Variants in CLTCL1 observed in about 807,000 individuals in gnomAD.
CLTCL1 encodes the protein clathrin heavy chain like 1.
Under a neutral mutation model 190.0 loss-of-function variants are expected in CLTCL1, and 159 were observed. That is an observed-to-expected ratio of 0.84 (90% CI 0.74 to 0.95). The LOEUF (loss-of-function observed/expected upper bound fraction) is 0.95. CLTCL1 is among the 40% of genes least tolerant of loss of function. The pLI is 0.00. For synonymous variants in CLTCL1, 752 were observed against 769.6 expected, an observed-to-expected ratio of 0.98 and a Z score of 0.38; for missense variants, 1,878 against 2,033.4, an observed-to-expected ratio of 0.92 and a Z score of 1.47.
At position 19,187,707 on chromosome 22, in the gene CLTCL1, C is replaced by T. The variant is rs1555929059; in HGVS notation, c.4456G>A (p.Ala1486Thr). 3 of 1,613,802 alleles carry T rather than the reference C, an allele frequency of 1.9e-6. No homozygotes were observed. Among genetic ancestry groups the T allele is most frequent in the Non-Finnish European group, 2.5e-6 (3 of 1,179,868 alleles). Residue 1486 changes from alanine (A) to threonine (T), a missense_variant, in exon 29 of 33, where the codon GCC becomes ACC. Ala to Thr is a moderately conservative substitution (Grantham distance 58, BLOSUM62 0). Transcript: ENST00000427926. ...DYQGLRASID[A>T]YDNFDNISLA... ...CTGATGTTGTCAAAGTTGTCATAGG[C>T]ATCGATAGATGCCCTTAAGCCCTAG...
chr22:19,248,252 A>G lies in CLTCL1; in HGVS notation c.520-5316T>C, dbSNP rs2086482800. 2.6e-5 allele frequency among the ~76,000 whole-genome samples: 4 copies of G among 151,956 alleles called. No individual in the cohort carries two copies. In the South Asian group the frequency reaches 8.3e-4, roughly 32 times the overall value. ...GCGGAGGTTGCGGTGAGCCAAGACC[A>G]TGCCACTGCACTCCAGCCTGGGCAA... On this transcript the variant is annotated intron_variant, in intron 3 of 32. Transcript: ENST00000427926.
chr22:19,222,069 C>T lies in CLTCL1; in HGVS notation c.2443G>A (p.Val815Met), dbSNP rs1569189645. Residue 815 changes from valine to methionine, a missense_variant, in exon 16 of 33, where the codon GTG becomes ATG. Val to Met is a conservative substitution (Grantham distance 21). Coordinates refer to ENST00000427926, the MANE Select transcript of CLTCL1 (RefSeq NM_007098.4). ...TCCACATCAAGCAGCCCTCCAATCA[C>T]AGCTGGGGTCCGGCTAGGGTTGACC... ...QKVNPSRTPA[V>M]IGGLLDVDCS... is the part of the protein sequence containing the mutation. 2 of 1,614,016 alleles carry T rather than the reference C, an allele frequency of 1.2e-6. No individual in the cohort carries two copies. The highest frequency in any genetic ancestry group is 1.7e-6 in the Non-Finnish European group (2 of 1,179,884).
intron 12 of CLTCL1, 92 bp downstream of exon 12, chr22:19,226,127 T>A: frequency 7.0e-7 from 1 of 1,419,796 alleles, no homozygotes; most frequent in Admixed American, 2.1e-5. Flanking sequence ...AGGCCACAGT[T>A]CCACAATCAC....
At chr22:19,245,983 T>C (rs2086405629) in intron 3 of CLTCL1, among the ~76,000 whole-genome samples, 1 of 152,238 alleles carries the variant, frequency 6.6e-6, no homozygotes, top group Admixed American at 6.5e-5. Context: ...TAAAAGTTTT[T>C]GTGTGGATAC....
Position 19,241,838 on chromosome 22 carries a change from C to T in CLTCL1, c.681+937G>A, listed in dbSNP as rs535760558. On this transcript the variant is annotated intron_variant, in intron 4 of 32. Coordinates refer to ENST00000427926, the MANE Select transcript of CLTCL1 (RefSeq NM_007098.4). ...CAATCTCTCTGGAGCCTCCCTGAGG[C>T]GCCTCCCAACCACCTGGGAAGAACC... is the stretch of plus-strand genomic sequence containing the variant. 8.5e-5 allele frequency among the ~76,000 whole-genome samples: 13 copies of T among 152,134 alleles called. No individual in the cohort carries two copies. In the East Asian group the frequency reaches 1.7e-3, roughly 20 times the overall value.
intron 3 of CLTCL1, among the ~76,000 whole-genome samples, chr22:19,245,961 C>A (rs186252838): frequency 6.6e-6 from 1 of 152,176 alleles, no homozygotes; most frequent in Non-Finnish European, 1.5e-5. Flanking sequence ...AATGCTATTA[C>A]GAATATCTGT....
rs782490946 is a variant in CLTCL1 at position 19,232,529 on chromosome 22, G to A, written c.1591C>T (p.Gln531Ter). 4.3e-6 allele frequency: 7 copies of A among 1,613,864 alleles called. No homozygotes were observed. Among genetic ancestry groups the A allele is most frequent in the Non-Finnish European group, 4.2e-6 (5 of 1,179,890 alleles). ...VMKISPEQGL[Q>*]FSRMLVQDEE... is the part of the protein sequence containing the mutation. Reference sequence around the variant, plus strand: ...TCCTGCACTAGCATTCGAGAAAACTGCAGGCCCTGTTCCGGACTGATCTTC... The same window carrying A: ...TCCTGCACTAGCATTCGAGAAAACTACAGGCCCTGTTCCGGACTGATCTTC... The change falls in exon 10 of 33, where the codon CAG becomes TAG. Residue 531 changes from glutamine (Q) to a stop codon, truncating the protein, a stop_gained. Transcript: ENST00000427926. LOFTEE classifies it high-confidence loss of function.
chr22:19,210,248 G>A, intron 20 of CLTCL1, 78 bp downstream of exon 20: 5 of 1,401,080 alleles, frequency 3.6e-6, no homozygotes, highest in Non-Finnish European at 4.9e-6. Flanking sequence ...CACCCTTGGA[G>A]AGGACAAGGG....
intron 26 of CLTCL1, among the ~76,000 whole-genome samples, chr22:19,193,901 G>A (rs2084604027): frequency 6.6e-6 from 1 of 152,240 alleles, no homozygotes; most frequent in African/African-American, 2.4e-5. Context: ...TGAGTGAGCA[G>A]CAGCAAGACT....
At chr22:19,205,339 G>A (rs1435023318) in intron 22 of CLTCL1, among the ~76,000 whole-genome samples, 2 of 152,018 alleles carry the variant, frequency 1.3e-5, no homozygotes, top group Non-Finnish European at 2.9e-5. Context: ...GTGAAACCCC[G>A]TCTCTACCAA....
chr22:19,282,008 C>T (rs887204777), intron 1 of CLTCL1, among the ~76,000 whole-genome samples: 1 of 152,056 alleles, frequency 6.6e-6, no homozygotes, highest in Admixed American at 6.6e-5. Flanking sequence ...AGTTCTCAAC[C>T]AGGAGTGCTA....
intron 2 of CLTCL1, among the ~76,000 whole-genome samples, chr22:19,263,657 G>A (rs1261742327): frequency 4.6e-5 from 7 of 152,128 alleles, no homozygotes; most frequent in African/African-American, 1.7e-4. Context: ...CTGACCTTGT[G>A]ATTCTCCTGC....
chr22:19,184,482 GTC>G (rs2084245778), intron 29 of CLTCL1: 1 of 455,922 alleles, frequency 2.2e-6, no homozygotes, highest in Non-Finnish European at 4.4e-6. Flanking sequence ...CCGGAAAGAA[GTC>G]TCCCCCGCTG....
intron 2 of CLTCL1, among the ~76,000 whole-genome samples, chr22:19,270,236 T>C (rs951693111): frequency 3.9e-5 from 6 of 152,166 alleles, no homozygotes; most frequent in African/African-American, 1.4e-4. Context: ...ACATATTGTA[T>C]GATTCCATTT....
At chr22:19,259,750 T>C (rs1555974629) in intron 2 of CLTCL1, among the ~76,000 whole-genome samples, 1 of 152,118 alleles carries the variant, frequency 6.6e-6, no homozygotes, top group African/African-American at 2.4e-5. Context: ...ATATTGAAAT[T>C]AGGCCATTTA....
At position 19,229,356 on chromosome 22, in the gene CLTCL1, G is replaced by T. The variant is rs2085848156; in HGVS notation, c.1782+482C>A. Among the ~76,000 whole-genome samples the T allele has an allele frequency of 2.0e-5, 3 of 152,296 alleles. No homozygotes were observed. In the South Asian group the frequency reaches 6.2e-4, roughly 32 times the overall value. ...CAGGTAAAAGGACAAATATTTTGTG[G>T]TTCCATGTATATGAAATATCTTGAA... On this transcript the variant is annotated intron_variant, in intron 11 of 32. Transcript: ENST00000427926.
At chr22:19,289,813 A>C (rs940014105) in intron 1 of CLTCL1, among the ~76,000 whole-genome samples, 4 of 152,228 alleles carry the variant, frequency 2.6e-5, no homozygotes, top group African/African-American at 9.6e-5. Flanking sequence ...CAAACATCTA[A>C]GTCTGCAGCC....
In CLTCL1 at chr22:19,233,239, T is replaced by G; in HGVS notation, c.1448A>C (p.Asn483Thr). ...MLALSVYLRA[N>T]VPSKVIQCFA... ...ACACTGGATCACTTTGCTTGGCACA[T>G]TTGCCCGAAGGTACACACTCAGAGC... The change falls in exon 9 of 33, where the codon AAT becomes ACT. Residue 483 changes from asparagine (N) to threonine (T), a missense_variant. Physicochemically the swap from Asn to Thr is moderately conservative, Grantham distance 65. Coordinates refer to ENST00000427926, the MANE Select transcript of CLTCL1 (RefSeq NM_007098.4). 1 of 1,613,992 alleles carries G rather than the reference T, an allele frequency of 6.2e-7. No individual in the cohort carries two copies. Among genetic ancestry groups the G allele is most frequent in the Non-Finnish European group, 8.5e-7 (1 of 1,179,884 alleles).
chr22:19,270,833 T>C (rs956148819), intron 2 of CLTCL1, among the ~76,000 whole-genome samples: 1 of 151,310 alleles, frequency 6.6e-6, no homozygotes, highest in African/African-American at 2.4e-5. Flanking sequence ...CAAAAATTCT[T>C]GGTGGTACGC....
Sources: gnomAD v4.1 joint callset for allele counts (sites outside exome capture counted in the v4.1 genomes callset) on GRCh38, gnomAD v4.1.1 for gene constraint, MANE v1.5 for transcripts, NCBI Gene and HGNC (gene_info 2026-07-23, HGNC 2026-07-21) for gene names.